Variants in INSR observed in about 807,000 individuals in gnomAD.
The protein encoded by INSR is insulin receptor.
Under a neutral mutation model 142.6 loss-of-function variants are expected in INSR, and 67 were observed. The ratio of observed to expected loss-of-function variants is 0.47; its 90% confidence interval spans 0.39 to 0.58. The LOEUF is 0.58. Among genes scored for constraint, INSR ranks in the 20% least tolerant of loss-of-function variants. The pLI is 0.00. For synonymous variants in INSR, 756 were observed against 743.1 expected, an observed-to-expected ratio of 1.02 and a Z score of -0.28; for missense variants, 1,248 against 1,833.2, an observed-to-expected ratio of 0.68 and a Z score of 5.83.
At chr19:7,175,852 C>T (rs1974123821) in intron 3 of INSR, among the ~76,000 whole-genome samples, 1 of 151,808 alleles carries the variant, frequency 6.6e-6, no homozygotes, top group East Asian at 1.9e-4. Context: ...AAAAAGTCTC[C>T]CAACATTGCC....
chr19:7,163,822 A>T (rs1289987958), intron 8 of INSR, among the ~76,000 whole-genome samples: 3 of 150,416 alleles, frequency 2.0e-5, no homozygotes, highest in African/African-American at 7.3e-5. Flanking sequence ...TCATGCCTGT[A>T]ATCCCAGCAC....
intron 9 of INSR, among the ~76,000 whole-genome samples, chr19:7,155,356 G>A (rs1973562530): frequency 6.6e-6 from 1 of 152,022 alleles, no homozygotes; most frequent in Admixed American, 6.6e-5. Flanking sequence ...CCAACATATA[G>A]TGAAACGCTG....
At chr19:7,217,195 T>A (rs113711057) in intron 2 of INSR, among the ~76,000 whole-genome samples, 1 of 152,006 alleles carries the variant, frequency 6.6e-6, no homozygotes, top group Admixed American at 6.6e-5. Flanking sequence ...AAAATCAAGA[T>A]GTTACAAAGG....
intron 2 of INSR, among the ~76,000 whole-genome samples, chr19:7,253,121 A>AAAT (rs1050044234): frequency 2.0e-4 from 30 of 151,770 alleles, no homozygotes; most frequent in African/African-American, 7.0e-4. Flanking sequence ...CAAAAAAAAA[A>AAAT]AATAGAAGAA....
At chr19:7,248,942 A>G (rs1422435822) in intron 2 of INSR, among the ~76,000 whole-genome samples, 1 of 151,894 alleles carries the variant, frequency 6.6e-6, no homozygotes, top group African/African-American at 2.4e-5. Context: ...TATTTTTAGT[A>G]GAGACAGGGT....
At chr19:7,237,057 T>G in intron 2 of INSR, among the ~76,000 whole-genome samples, 2 of 151,040 alleles carry the variant, frequency 1.3e-5, no homozygotes, top group South Asian at 2.1e-4. Context: ...ACAATAGACT[T>G]TGGGGACTCA....
rs1433888164 is a variant in INSR, at chr19:7,267,420, T to C, written c.577A>G (p.Lys193Glu). Residue 193 changes from lysine (K) to glutamate (E), a missense_variant, in exon 2 of 22, where the codon AAG (lysine) becomes GAG (glutamate). Around this residue, in one of 3 missense-constraint regions of INSR, gnomAD observed 1,069 missense variants for 1,654.0 expected, o/e 0.65. Coordinates refer to ENST00000302850, the MANE Select transcript of INSR (RefSeq NM_000208.4). The surrounding 1 kb of genome is among the most constrained non-coding windows in gnomAD (Gnocchi z 6.3). ...GDICPGTAKG[K>E]TNCPATVING... The stretch of plus-strand genomic sequence containing the variant: ...ATGACGGTGGCGGGGCAGTTGGTCT[T>C]GCCCTTCGCGGTACCCGGACAGATG... 2 of 1,614,158 alleles carry C rather than the reference T, an allele frequency of 1.2e-6. No homozygotes were observed. Among genetic ancestry groups the C allele is most frequent in the African/African-American group, 1.3e-5 (1 of 75,038 alleles).
At chr19:7,155,399 G>T (rs56131987) in intron 9 of INSR, among the ~76,000 whole-genome samples, 5,371 of 152,010 alleles carry the variant, frequency 0.035, 309 homozygotes, top group African/African-American at 0.12. Context: ...TCAGCTGCAC[G>T]TGGTGGCACA....
At chr19:7,148,474 A>ATTTTTT (rs1568445065) in intron 11 of INSR, among the ~76,000 whole-genome samples, 2 of 50,832 alleles carry the variant, frequency 3.9e-5, no homozygotes, top group African/African-American at 1.8e-4. Context: ...TTATGTATTT[A>ATTTTTT]TTCTTTTTTT....
Position 7,168,105 on chromosome 19 carries a change from T to C in INSR, c.1484-11A>G. On this transcript the variant is annotated splice_polypyrimidine_tract_variant and intron_variant, in intron 6 of 21. Coordinates refer to ENST00000302850, the MANE Select transcript of INSR (RefSeq NM_000208.4). This position sits in a 1 kb window ranked among gnomAD's most constrained non-coding sequence, Gnocchi z 4.3. ...GTAACTCATTTTCACCTGGAAAAGT[T>C]AAAACAAAAGGCAAAAATGAGCTAT... The C allele has an allele frequency of 6.2e-7, 1 of 1,613,660 alleles. No individual in the cohort carries two copies. The highest frequency in any genetic ancestry group is 8.5e-7 in the Non-Finnish European group (1 of 1,179,698).
chr19:7,155,795 T>C (rs1329737189), intron 9 of INSR, among the ~76,000 whole-genome samples: 2 of 151,536 alleles, frequency 1.3e-5, no homozygotes, highest in Non-Finnish European at 2.9e-5. Context: ...GCGCCTGTAA[T>C]CCCAGCTACT....
intron 2 of INSR, among the ~76,000 whole-genome samples, chr19:7,234,585 C>A (rs1976097996): frequency 6.6e-6 from 1 of 152,014 alleles, no homozygotes; most frequent in Non-Finnish European, 1.5e-5. Context: ...GGGACTGGAT[C>A]CCCAGGGGGG....
intron 1 of INSR, among the ~76,000 whole-genome samples, chr19:7,283,610 T>A (rs1434971226): frequency 6.6e-6 from 1 of 152,164 alleles, no homozygotes; most frequent in East Asian, 1.9e-4. Flanking sequence ...CGGCTAATTT[T>A]TGTATTTTTA....
intron 2 of INSR, among the ~76,000 whole-genome samples, chr19:7,255,013 GC>G (rs1976844498): frequency 6.7e-6 from 1 of 149,964 alleles, no homozygotes; most frequent in South Asian, 2.1e-4. Context: ...GCCTCCCCCG[GC>G]CCCCCTCCCC....
intron 2 of INSR, among the ~76,000 whole-genome samples, chr19:7,185,934 C>A (rs1974420169): frequency 6.8e-6 from 1 of 146,974 alleles, no homozygotes; most frequent in Non-Finnish European, 1.5e-5. Context: ...GTGGCTCATG[C>A]CTGTAATCCT....
intron 19 of INSR, among the ~76,000 whole-genome samples, chr19:7,122,312 G>A (rs926974168): frequency 4.0e-5 from 6 of 151,816 alleles, no homozygotes; most frequent in East Asian, 3.9e-4. Flanking sequence ...GCATGGTGGC[G>A]CACACCTGTA....
rs559731934 is a variant in INSR, at chr19:7,121,747, C to T, written c.3529+867G>A. ...ACTTCCAAAGCACTGAGATTACAGG[C>T]GGGACCCCCGGTCCTACAAACATAT... On this transcript the variant is annotated intron_variant, in intron 19 of 21. Transcript: ENST00000302850. Among the ~76,000 whole-genome samples, 95 of 152,284 alleles carry T rather than the reference C, an allele frequency of 6.2e-4. 1 individual carries two copies. In the South Asian group the frequency reaches 0.017, roughly 27 times the overall value.
intron 19 of INSR, 112 bp from the exon 20 acceptor site, chr19:7,120,861 G>C: frequency 7.3e-7 from 1 of 1,375,170 alleles, no homozygotes; most frequent in Non-Finnish European, 1.0e-6. Flanking sequence ...CCTGGCCCAC[G>C]TCTGCGCTCA....
At chr19:7,135,593 A>C (rs1972902777) in intron 13 of INSR, among the ~76,000 whole-genome samples, 1 of 151,868 alleles carries the variant, frequency 6.6e-6, no homozygotes, top group South Asian at 2.1e-4. Context: ...CTGAAAAAAA[A>C]AATTTTTTTA....
Sources: allele counts gnomAD v4.1 joint callset (sites outside exome capture counted in the v4.1 genomes callset), GRCh38; gene constraint gnomAD v4.1.1; regional missense constraint gnomAD v4.1.1; non-coding constraint Gnocchi (gnomAD v3.1); transcripts MANE v1.5; gene names NCBI Gene and HGNC (gene_info 2026-07-23, HGNC 2026-07-21).